PLSCR2: variants seen among roughly 807,000 people sequenced by gnomAD.
PLSCR2 encodes the protein phospholipid scramblase 2.
A neutral mutation model predicts 25.3 loss-of-function variants in PLSCR2; 18 were observed. The ratio of observed to expected loss-of-function variants is 0.71; its 90% CI spans 0.49 to 1.06. The LOEUF is 1.06. Among genes scored for constraint, PLSCR2 ranks in the 50% least tolerant of loss-of-function variants. PLSCR2 has a pLI of 0.00. For synonymous variants in PLSCR2, 88 were observed against 87.3 expected (o/e 1.01, Z -0.04); for missense variants, 243 against 269.5 (o/e 0.90, Z 0.69).
At chr3:146,461,919 A>C (rs752062434), upstream of PLSCR2, 3 of 1,512,870 alleles carry the variant, frequency 2.0e-6, no homozygotes, top group Non-Finnish European at 1.8e-6. Context: ...TGGAATTTAC[A>C]AGGGAAAACA....
At chr3:146,478,872 C>A (rs1282704599) in intron 1 of PLSCR2, among the ~76,000 whole-genome samples, 1 of 152,198 alleles carries the variant, frequency 6.6e-6, no homozygotes, top group East Asian at 1.9e-4. Flanking sequence ...CAAAGGGAAG[C>A]CCATCAGACT....
intron 1 of PLSCR2, among the ~76,000 whole-genome samples, chr3:146,493,719 T>C (rs552558838): frequency 6.6e-6 from 1 of 151,080 alleles, no homozygotes; most frequent in East Asian, 1.9e-4. Flanking sequence ...ATTCTGTTTA[T>C]AGCATTTCGG....
intron 2 of PLSCR2, among the ~76,000 whole-genome samples, chr3:146,424,574 GA>G (rs35306581): frequency 1.3e-5 from 2 of 152,068 alleles, no homozygotes; most frequent in Non-Finnish European, 2.9e-5. Flanking sequence ...CTTGGTACGG[GA>G]ATCACAGCTT....
At chr3:146,417,981 A>G (rs527526903) in intron 2 of PLSCR2, among the ~76,000 whole-genome samples, 3 of 151,958 alleles carry the variant, frequency 2.0e-5, no homozygotes, top group Non-Finnish European at 2.9e-5. Context: ...TAGGAATTAT[A>G]TTTTTCTTTC....
Position 146,410,842 on chromosome 3 carries a change from G to A in PLSCR2, c.101-14921C>T, listed in dbSNP as rs543179726. On this transcript the variant is annotated intron_variant and NMD_transcript_variant, in intron 2 of 3. Coordinates refer to the PLSCR2 transcript ENST00000463633. The stretch of plus-strand genomic sequence containing the variant: ...GATGGGATCATTCAGATGCCCACCT[G>A]GCCGCTCCCCCTGAGGGGACTTGGG... Among the ~76,000 whole-genome samples, 26 of 152,326 alleles carry A rather than the reference G, an allele frequency of 1.7e-4. No individual in the cohort carries two copies. The South Asian group carries it at 5.4e-3, about 32-fold the overall frequency.
At chr3:146,478,581 A>C (rs2043014469) in intron 1 of PLSCR2, among the ~76,000 whole-genome samples, 1 of 152,232 alleles carries the variant, frequency 6.6e-6, no homozygotes, top group Non-Finnish European at 1.5e-5. Flanking sequence ...CCTCCAAGAA[A>C]TATGGAGCTA....
At chr3:146,434,602 A>C (rs941423270) in intron 8 of PLSCR2, among the ~76,000 whole-genome samples, 1 of 152,062 alleles carries the variant, frequency 6.6e-6, no homozygotes, top group African/African-American at 2.4e-5. Context: ...TATATACAAA[A>C]ATAAAATTAG....
At chr3:146,424,146 G>A (rs900328324) in intron 2 of PLSCR2, among the ~76,000 whole-genome samples, 2 of 123,696 alleles carry the variant, frequency 1.6e-5, no homozygotes, top group Non-Finnish European at 3.6e-5. Context: ...AAAAAAAAAA[G>A]ATCAAGGTAT....
chr3:146,466,137 A>G (rs947075667), intron 1 of PLSCR2, among the ~76,000 whole-genome samples: 1 of 152,202 alleles, frequency 6.6e-6, no homozygotes, highest in Admixed American at 6.5e-5. Context: ...GCTTAGAACC[A>G]ATGTAAGATA....
At chr3:146,473,109 C>G (rs1292715707) in intron 1 of PLSCR2, among the ~76,000 whole-genome samples, 1 of 152,040 alleles carries the variant, frequency 6.6e-6, no homozygotes, top group East Asian at 1.9e-4. Flanking sequence ...GTCTAGACAC[C>G]CTTTGTGACT....
At position 146,492,996 on chromosome 3, in the gene PLSCR2, CA is replaced by C. The variant is rs34684660; in HGVS notation, c.-293+2898del. Among the ~76,000 whole-genome samples, 60 of 150,170 alleles carry C rather than the reference CA, an allele frequency of 4.0e-4. 1 individual carries two copies. In the East Asian group the frequency reaches 8.8e-3, roughly 22 times the overall value. On this transcript the variant is annotated intron_variant, in intron 1 of 8. Transcript: ENST00000336685. ...CATTAATATGGACCCCACAGAAATA[CA>C]AAAAAAAAGTCTCAAAGACCGTTAC... is the stretch of plus-strand genomic sequence containing the variant.
At chr3:146,411,925 G>A (rs577209068) in intron 2 of PLSCR2, among the ~76,000 whole-genome samples, 5 of 148,194 alleles carry the variant, frequency 3.4e-5, no homozygotes, top group East Asian at 1.9e-4. Flanking sequence ...TGGGAATTGC[G>A]GATACAGCTT....
downstream of PLSCR2, among the ~76,000 whole-genome samples, chr3:146,437,830 T>C (rs2039977390): frequency 1.3e-5 from 2 of 152,218 alleles, no homozygotes; most frequent in African/African-American, 4.8e-5. Context: ...TGAATGTGTT[T>C]GCTTTTGCTT....
intron 1 of PLSCR2, among the ~76,000 whole-genome samples, chr3:146,485,974 A>G (rs1375962003): frequency 3.9e-5 from 6 of 152,042 alleles, no homozygotes; most frequent in Non-Finnish European, 7.4e-5. Context: ...ACCCACCCCC[A>G]TGATTCAATC....
chr3:146,450,523 T>C (rs1329470755), intron 5 of PLSCR2, among the ~76,000 whole-genome samples: 1 of 152,212 alleles, frequency 6.6e-6, no homozygotes, highest in African/African-American at 2.4e-5. Context: ...TTGTGGCTTG[T>C]TTGACCAATG....
chr3:146,454,252 G>T (rs1230885572), intron 4 of PLSCR2, 89 bp from the exon 5 acceptor site: 1 of 921,352 alleles, frequency 1.1e-6, no homozygotes, highest in Non-Finnish European at 1.6e-6. Flanking sequence ...TTTCCTAAGT[G>T]CCAGACATTG....
intron 1 of PLSCR2, among the ~76,000 whole-genome samples, chr3:146,466,128 C>T (rs1384268042): frequency 1.3e-5 from 2 of 152,130 alleles, no homozygotes; most frequent in African/African-American, 4.8e-5. Context: ...AACACATATG[C>T]TTAGAACCAA....
chr3:146,461,667 A>C, upstream of PLSCR2, among the ~76,000 whole-genome samples: 1 of 152,120 alleles, frequency 6.6e-6, no homozygotes, highest in Admixed American at 6.5e-5. Context: ...AGGAAAAGCA[A>C]ATGTAAAAAC....
downstream of PLSCR2, among the ~76,000 whole-genome samples, chr3:146,437,891 G>A (rs908182402): frequency 6.6e-6 from 1 of 152,098 alleles, no homozygotes; most frequent in African/African-American, 2.4e-5. Context: ...GATCTTTCCT[G>A]CTTTCTCTTG....
Sources: gnomAD v4.1 joint callset for allele counts (sites outside exome capture counted in the v4.1 genomes callset) on GRCh38, gnomAD v4.1.1 for gene constraint, MANE v1.5 for transcripts, NCBI Gene and HGNC (gene_info 2026-07-23, HGNC 2026-07-21) for gene names.